The following NR2F1-AS1 variants were observed in gnomAD, a reference collection of about 807,000 sequenced individuals.
NR2F1-AS1 encodes NR2F1 antisense RNA 1.
chr5:93,580,702 A>G (rs1753005481), exon 1 of NR2F1-AS1: 1 of 152,740 alleles, frequency 6.5e-6, no homozygotes, highest in South Asian at 2.1e-4. Context: ...CTGTATGGGG[A>G]GTACGATTTA....
At chr5:93,543,937 G>A (rs1752015675) in intron 4 of NR2F1-AS1, 1 of 152,120 alleles carries the variant, frequency 6.6e-6, no homozygotes, top group African/African-American at 2.4e-5. Flanking sequence ...TTTGTTAAAA[G>A]TGTATATACA....
intron 4 of NR2F1-AS1, chr5:93,422,482 G>T (rs1749109804): frequency 6.6e-6 from 1 of 152,238 alleles, no homozygotes; most frequent in African/African-American, 2.4e-5. Flanking sequence ...AAGACAGCAT[G>T]CAGGTTTTAC....
intron 4 of NR2F1-AS1, among the ~76,000 whole-genome samples, chr5:93,483,519 C>CG (rs1750647218): frequency 3.9e-5 from 6 of 152,140 alleles, no homozygotes; most frequent in Admixed American, 6.5e-5. Context: ...GCTGAAAATT[C>CG]CAAAAACCAG....
At chr5:93,449,994 T>C (rs1392172620) in intron 4 of NR2F1-AS1, among the ~76,000 whole-genome samples, 1 of 152,198 alleles carries the variant, frequency 6.6e-6, no homozygotes, top group Non-Finnish European at 1.5e-5. Context: ...TGGGTAGTTC[T>C]GATAGACTAT....
intron 4 of NR2F1-AS1, among the ~76,000 whole-genome samples, chr5:93,437,860 T>C (rs1331417773): frequency 3.3e-5 from 5 of 152,208 alleles, no homozygotes; most frequent in African/African-American, 1.2e-4. Context: ...AAACAGCTTA[T>C]TATCTACTGA....
upstream of NR2F1-AS1, among the ~76,000 whole-genome samples, chr5:93,581,961 GTCTC>G (rs1244167231): frequency 1.8e-4 from 11 of 60,074 alleles, no homozygotes; most frequent in Non-Finnish European, 2.5e-4. Context: ...CTCTCTCTGG[GTCTC>G]TCTCTCTCTC....
intron 4 of NR2F1-AS1, among the ~76,000 whole-genome samples, chr5:93,552,959 T>C (rs375304503): frequency 2.0e-5 from 3 of 152,138 alleles, no homozygotes; most frequent in East Asian, 3.8e-4. Flanking sequence ...TATGTAGATA[T>C]ACTACTGACT....
chr5:93,531,983 T>C (rs1156508343), intron 4 of NR2F1-AS1, among the ~76,000 whole-genome samples: 1 of 152,166 alleles, frequency 6.6e-6, no homozygotes, highest in East Asian at 1.9e-4. Context: ...GAAGCCTACC[T>C]CTCTACCTTT....
intron 4 of NR2F1-AS1, among the ~76,000 whole-genome samples, chr5:93,477,341 ATTTG>A (rs1171649266): frequency 6.6e-6 from 1 of 152,162 alleles, no homozygotes; most frequent in Non-Finnish European, 1.5e-5. Context: ...GATTAAAACT[ATTTG>A]TTTCTTAGTA....
chr5:93,526,646 C>T (rs1442544960), intron 4 of NR2F1-AS1, among the ~76,000 whole-genome samples: 1 of 152,142 alleles, frequency 6.6e-6, no homozygotes, highest in Non-Finnish European at 1.5e-5. Flanking sequence ...AGCTTATCTA[C>T]CACAATCAAG....
chr5:93,483,257 G>C (rs1016827580), intron 4 of NR2F1-AS1, among the ~76,000 whole-genome samples: 2 of 152,184 alleles, frequency 1.3e-5, no homozygotes, highest in Non-Finnish European at 2.9e-5. Context: ...GAAGGAAAAG[G>C]CAGCAATCTT....
intron 4 of NR2F1-AS1, among the ~76,000 whole-genome samples, chr5:93,480,230 C>T (rs1750572817): frequency 6.6e-6 from 1 of 152,084 alleles, no homozygotes; most frequent in Non-Finnish European, 1.5e-5. Flanking sequence ...AATCAAACTG[C>T]TGATAGACAA....
intron 4 of NR2F1-AS1, among the ~76,000 whole-genome samples, chr5:93,534,057 G>A (rs186697392): frequency 6.6e-6 from 1 of 152,158 alleles, no homozygotes; most frequent in Admixed American, 6.5e-5. Flanking sequence ...ACTCCAGCCT[G>A]GGGAACGAGC....
intron 4 of NR2F1-AS1, among the ~76,000 whole-genome samples, chr5:93,493,199 G>A (rs1191364525): frequency 6.6e-6 from 1 of 151,782 alleles, no homozygotes; most frequent in African/African-American, 2.4e-5. Context: ...AAACTTGCAG[G>A]GTATAAGATC....
rs1400121714 is a variant in NR2F1-AS1, at chr5:93,538,252, C to T, written n.638+15509G>A. 4.6e-5 allele frequency among the ~76,000 whole-genome samples: 7 copies of T among 152,132 alleles called. No individual in the cohort carries two copies. The East Asian group carries it at 1.2e-3, about 25-fold the overall frequency. ...CTTTAGAAGGTTGAGGCAGGCAGAT[C>T]CCTTGAGCTCAGGAGTTCAAGACCA... On this transcript the variant is annotated intron_variant and non_coding_transcript_variant, in intron 4 of 5. Coordinates refer to ENST00000660523, the Ensembl canonical transcript of NR2F1-AS1.
chr5:93,443,958 T>C (rs2149853539), intron 4 of NR2F1-AS1, among the ~76,000 whole-genome samples: 1 of 152,274 alleles, frequency 6.6e-6, no homozygotes, highest in South Asian at 2.1e-4. Flanking sequence ...CTAAGTTTCA[T>C]AAGTGAAGGA....
At chr5:93,509,959 CA>C (rs753899889) in intron 4 of NR2F1-AS1, among the ~76,000 whole-genome samples, 10 of 150,798 alleles carry the variant, frequency 6.6e-5, no homozygotes, top group Admixed American at 6.6e-5. Flanking sequence ...GAAACTAGAG[CA>C]AAAAAAATGA....
chr5:93,566,772 A>G (rs548973311), intron 1 of NR2F1-AS1, among the ~76,000 whole-genome samples: 14 of 152,116 alleles, frequency 9.2e-5, no homozygotes, highest in African/African-American at 2.9e-4. Flanking sequence ...AACCATAGGG[A>G]TGGCTAAAGA....
intron 4 of NR2F1-AS1, among the ~76,000 whole-genome samples, chr5:93,524,168 T>G (rs920463013): frequency 1.3e-5 from 2 of 151,894 alleles, no homozygotes; most frequent in African/African-American, 2.4e-5. Flanking sequence ...ATAAATGATC[T>G]GATGGAGCTC....
Sources: allele counts gnomAD v4.1 joint callset (sites outside exome capture counted in the v4.1 genomes callset), GRCh38; gene constraint gnomAD v4.1.1; transcripts MANE v1.5; gene names NCBI Gene and HGNC (gene_info 2026-07-23, HGNC 2026-07-21).